The following TOGARAM2 variants were observed in gnomAD, a reference collection of about 807,000 sequenced individuals.
TOGARAM2 encodes the protein TOG array regulator of axonemal microtubules 2.
A neutral mutation model predicts 93.3 loss-of-function variants in TOGARAM2; 85 were observed. That is an observed-to-expected ratio of 0.91 (90% CI 0.76 to 1.09). The LOEUF is 1.09. Among genes scored for constraint, TOGARAM2 ranks in the 50% least tolerant of loss-of-function variants. The probability of loss-of-function intolerance (pLI) is 0.00; values close to 1 mark genes in which losing one functional copy is unlikely to be tolerated. For synonymous variants in TOGARAM2, 593 were observed against 552.8 expected, an observed-to-expected ratio of 1.07 and a Z score of -1.02; for missense variants, 1,277 against 1,334.5, an observed-to-expected ratio of 0.96 and a Z score of 0.67.
At chr2:29,032,077 C>A (rs1210194308) in intron 14 of TOGARAM2, among the ~76,000 whole-genome samples, 1 of 152,170 alleles carries the variant, frequency 6.6e-6, no homozygotes, top group Non-Finnish European at 1.5e-5. Flanking sequence ...AGTCTCCTGG[C>A]CCCTAGCCTT....
intron 7 of TOGARAM2, among the ~76,000 whole-genome samples, chr2:29,013,419 A>T (rs998511171): frequency 6.6e-6 from 1 of 152,192 alleles, no homozygotes; most frequent in Admixed American, 6.5e-5. Context: ...GAAGTCCCAC[A>T]GGCGGCCATC....
chr2:28,999,536 C>T, intron 4 of TOGARAM2, 68 bp downstream of exon 4: 2 of 1,481,390 alleles, frequency 1.4e-6, no homozygotes, highest in South Asian at 1.4e-5. Context: ...GCCTCCAGGG[C>T]TGTGAGGGTC....
At chr2:28,978,183 A>G (rs1399825725), upstream of TOGARAM2, among the ~76,000 whole-genome samples, 1 of 152,198 alleles carries the variant, frequency 6.6e-6, no homozygotes, top group Non-Finnish European at 1.5e-5. Flanking sequence ...CTGGGATGAC[A>G]GGCGTGAGCC....
intron 10 of TOGARAM2, among the ~76,000 whole-genome samples, 200 bp from the exon 11 acceptor site, chr2:29,021,958 A>G (rs1664975256): frequency 6.6e-6 from 1 of 152,106 alleles, no homozygotes; most frequent in Non-Finnish European, 1.5e-5. Context: ...TAGAGTTAGG[A>G]GGTCTTCATG....
In TOGARAM2 at chr2:29,024,324, G is replaced by A; in HGVS notation, c.1803G>A (p.Glu601=). 6.2e-7 allele frequency: 1 copy of A among 1,612,788 alleles called. No individual in the cohort carries two copies. The highest frequency in any genetic ancestry group is 8.5e-7 in the Non-Finnish European group (1 of 1,179,440). Residue 601 remains glutamate, a synonymous_variant, in exon 13 of 20, where the codon GAG becomes GAA. Transcript: ENST00000379558. ...AAGQSLRAMV[E]NVTLARSLVV... ...GCCAGTCTCTGAGGGCTATGGTGGA[G>A]AATGTGACCCTTGCCCGCTCCCTGG... is the stretch of plus-strand genomic sequence containing the variant.
At chr2:29,033,351 A>T (rs145203207) in intron 15 of TOGARAM2, 118 bp from the exon 16 acceptor site, 10,178 of 968,248 alleles carry the variant, frequency 0.011, 91 homozygotes, top group South Asian at 0.013. Context: ...CAACTGTGAC[A>T]TCTGAAGCTC....
At position 29,036,734 on chromosome 2, in the gene TOGARAM2, T is replaced by G; in HGVS notation, c.2612T>G (p.Leu871Arg). The G allele has an allele frequency of 6.2e-7, 1 of 1,613,594 alleles. No homozygotes were observed. The highest frequency in any genetic ancestry group is 8.5e-7 in the Non-Finnish European group (1 of 1,179,716). ...ATTTACGCTGCTGCCGTGGCTGTGC[T>G]GGATGCGATGGTTGAGAGCCTGGGT... ...SGIYAAAVAV[L>R]DAMVESLDNL... Residue 871 changes from leucine (L) to arginine (R), a missense_variant, in exon 18 of 20, where the codon CTG becomes CGG. Physicochemically the swap from Leu to Arg is moderately radical, Grantham distance 102. Transcript: ENST00000379558.
At chr2:29,001,772 G>A (rs1673313703) in intron 4 of TOGARAM2, among the ~76,000 whole-genome samples, 1 of 152,208 alleles carries the variant, frequency 6.6e-6, no homozygotes, top group Non-Finnish European at 1.5e-5. Context: ...TGGGATTACA[G>A]GCGTGAGCCA....
intron 19 of TOGARAM2, chr2:29,050,390 G>A (rs1268247253): frequency 6.6e-6 from 1 of 152,136 alleles, no homozygotes; most frequent in Non-Finnish European, 1.5e-5. Flanking sequence ...TAAAGCTCCA[G>A]ATCACCTCTG....
Position 29,035,467 on chromosome 2 carries a change from C to T in TOGARAM2, c.2229C>T (p.Leu743=), listed in dbSNP as rs1256540140. The change falls in exon 17 of 20, where the codon CTC becomes CTT. Residue 743 remains leucine (L), a synonymous_variant. Transcript: ENST00000379558. ...AGACGCCACGCTCCTTACCTAGGCT[C>T]AGCTGCAATGGCCCAAGGCTGGTGG... is the stretch of plus-strand genomic sequence containing the variant. ...CENGLPIKEG[L]SCNGPRLVGL... is the part of the protein sequence containing the mutation. 7.1e-7 allele frequency: 1 copy of T among 1,404,626 alleles called. No individual in the cohort carries two copies. The highest frequency in any genetic ancestry group is 2.7e-5 in the Admixed American group (1 of 36,866). 87.0% of individuals were successfully genotyped at this position (1,404,626 alleles called of 1,614,324 possible).
intron 1 of TOGARAM2, among the ~76,000 whole-genome samples, chr2:28,981,938 C>T (rs1242502750): frequency 6.6e-6 from 1 of 152,146 alleles, no homozygotes; most frequent in Non-Finnish European, 1.5e-5. Flanking sequence ...TGGGGGCATG[C>T]TGTGGGGATG....
At chr2:28,957,113 AAAAAC>A (rs970887286) in intron 1 of TOGARAM2, among the ~76,000 whole-genome samples, 4 of 152,320 alleles carry the variant, frequency 2.6e-5, no homozygotes, top group African/African-American at 9.6e-5. Context: ...TCAAAAAACA[AAAAAC>A]AAAAAACGAA....
At position 28,998,260 on chromosome 2, in the gene TOGARAM2, TG is replaced by T. The variant is rs761163514; in HGVS notation, c.139+10del. ...AGTCTGCCTCATGGAGAAGGTGAGA[TG>T]GGAAGACCTCACCTGGTCAGGGCCC... On this transcript the variant is annotated splice_region_variant and intron_variant, in intron 3 of 19. Coordinates refer to ENST00000379558, the MANE Select transcript of TOGARAM2 (RefSeq NM_199280.4). 2 of 1,601,194 alleles carry T rather than the reference TG, an allele frequency of 1.2e-6. No homozygotes were observed. The highest frequency in any genetic ancestry group is 2.7e-5 in the African/African-American group (2 of 74,582).
intron 1 of TOGARAM2, among the ~76,000 whole-genome samples, chr2:28,990,212 A>C (rs1672655472): frequency 6.6e-6 from 1 of 152,074 alleles, no homozygotes; most frequent in African/African-American, 2.4e-5. Flanking sequence ...TCAGTGTGAA[A>C]TCCTGGTTAA....
chr2:28,973,553 C>T (rs1362214625), intron 1 of TOGARAM2, among the ~76,000 whole-genome samples: 7 of 144,258 alleles, frequency 4.9e-5, no homozygotes, highest in East Asian at 2.4e-4. Context: ...GTCACAGTCT[C>T]GCTTTGTTAC....
chr2:28,973,446 C>CTTTG (rs2148224725), intron 1 of TOGARAM2, among the ~76,000 whole-genome samples: 1 of 126,042 alleles, frequency 7.9e-6, no homozygotes, highest in Non-Finnish European at 1.6e-5. Flanking sequence ...CCTTCCCCTT[C>CTTTG]CTTCCTTCCT....
At chr2:29,005,701 GTGCA>G (rs1663699530) in intron 6 of TOGARAM2, among the ~76,000 whole-genome samples, 1 of 117,926 alleles carries the variant, frequency 8.5e-6, no homozygotes, top group African/African-American at 2.9e-5. Flanking sequence ...TGTGGAGTGC[GTGCA>G]TGTGTGAGTG....
intron 18 of TOGARAM2, among the ~76,000 whole-genome samples, chr2:29,041,792 G>A (rs1207601323): frequency 6.6e-6 from 1 of 152,202 alleles, no homozygotes; most frequent in Non-Finnish European, 1.5e-5. Flanking sequence ...TAGGCTAATG[G>A]AGTGTAGATT....
At position 29,006,293 on chromosome 2, in the gene TOGARAM2, A is replaced by G. The variant is rs558124125; in HGVS notation, c.830+2611A>G. Among the ~76,000 whole-genome samples, 173 of 124,384 alleles carry G rather than the reference A, an allele frequency of 1.4e-3. 1 individual carries two copies. The highest frequency in any genetic ancestry group is 5.1e-3 in the African/African-American group (163 of 31,960). 81.6% of individuals were successfully genotyped at this position (124,384 alleles called of 152,430 possible). A position where few individuals can be genotyped will look rare whatever the true frequency, so the allele number is the denominator to read the frequency against. ...TGTATATGTGTGCATGTATGTGTGC[A>G]TGTGTGTGTGTGAGTGCCTGTGTGT... On this transcript the variant is annotated intron_variant, in intron 6 of 19. Transcript: ENST00000379558.
Sources: allele counts gnomAD v4.1 joint callset (sites outside exome capture counted in the v4.1 genomes callset), GRCh38; gene constraint gnomAD v4.1.1; transcripts MANE v1.5; gene names NCBI Gene and HGNC (gene_info 2026-07-23, HGNC 2026-07-21).